Variants in MACROD1 observed in about 807,000 individuals in gnomAD.
MACROD1 encodes mono-ADP ribosylhydrolase 1, also known as ADP-ribose glycohydrolase MACROD1.
In MACROD1, 31 loss-of-function variants were observed where a neutral mutation model predicts 41.4. The observed-to-expected ratio is 0.75, with a 90% confidence interval of 0.56 to 1.01. The LOEUF (loss-of-function observed/expected upper bound fraction) is 1.01, where lower values mean the gene tolerates loss of function less well. Among genes scored for constraint, MACROD1 ranks in the 50% least tolerant of loss-of-function variants. MACROD1 has a pLI of 0.00. For missense variants in MACROD1, 473 were observed against 460.0 expected (o/e 1.03, Z -0.26); for synonymous variants, 252 against 203.4 (o/e 1.24, Z -2.03).
chr11:64,083,706 G>A (rs542784665), intron 3 of MACROD1, among the ~76,000 whole-genome samples: 25 of 152,352 alleles, frequency 1.6e-4, no homozygotes, highest in Non-Finnish European at 3.5e-4. Flanking sequence ...AATGGGACTC[G>A]CCAGACTGGC....
At position 64,152,329 on chromosome 11, in the gene MACROD1, C is replaced by T. The variant is rs374663092; in HGVS notation, c.363G>A (p.Arg121=). The T allele has an allele frequency of 2.0e-4, 320 of 1,614,260 alleles. No individual in the cohort carries two copies. Among genetic ancestry groups the T allele is most frequent in the Non-Finnish European group, 2.6e-4 (310 of 1,180,046 alleles). The part of the protein sequence containing the change: ...EEHYFCKDFV[R]LKKIPTWKEM... Reference sequence around the variant, plus strand: ...CCTTCCATGTCGGGATCTTCTTCAGCCTGACAAAGTCCTTGCAGAAGTAAT... The same window carrying T: ...CCTTCCATGTCGGGATCTTCTTCAGTCTGACAAAGTCCTTGCAGAAGTAAT... The change falls in exon 2 of 11, where the codon AGG becomes AGA. Residue 121 remains arginine, a synonymous_variant. Transcript: ENST00000255681.
intron 4 of MACROD1, chr11:64,001,633 A>G (rs1942827331): frequency 1.0e-5 from 7 of 701,018 alleles, no homozygotes; most frequent in South Asian, 8.9e-5. Flanking sequence ...AGAGCGTCCC[A>G]GGGATGGGTG....
chr11:64,130,725 G>A (rs1175023304), intron 3 of MACROD1, among the ~76,000 whole-genome samples: 2 of 151,982 alleles, frequency 1.3e-5, no homozygotes, highest in African/African-American at 4.8e-5. Context: ...CCGCACCCAC[G>A]TCACCTTCCA....
chr11:64,040,351 G>T (rs1271099451), intron 3 of MACROD1, among the ~76,000 whole-genome samples: 1 of 152,184 alleles, frequency 6.6e-6, no homozygotes, highest in Non-Finnish European at 1.5e-5. Flanking sequence ...AGAAACAAGG[G>T]CCTGGAGGAC....
intron 3 of MACROD1, chr11:64,116,274 G>A (rs1411464395): frequency 2.5e-6 from 4 of 1,596,426 alleles, no homozygotes; most frequent in Non-Finnish European, 3.4e-6. Flanking sequence ...CACCATGGTG[G>A]TGGCACACCC....
chr11:64,158,008 A>G (rs1590979946), intron 1 of MACROD1, among the ~76,000 whole-genome samples: 1 of 152,298 alleles, frequency 6.6e-6, no homozygotes, highest in Middle Eastern at 3.4e-3. Context: ...TGCCCACACC[A>G]GGGCATTGGC....
intron 3 of MACROD1, among the ~76,000 whole-genome samples, chr11:64,080,567 A>C (rs1184973283): frequency 6.6e-6 from 1 of 152,238 alleles, no homozygotes; most frequent in Non-Finnish European, 1.5e-5. Context: ...AGGGTTGAAC[A>C]CAAGACACCC....
At chr11:64,022,430 A>G (rs1943170130) in intron 3 of MACROD1, among the ~76,000 whole-genome samples, 1 of 152,222 alleles carries the variant, frequency 6.6e-6, no homozygotes, top group African/African-American at 2.4e-5. Flanking sequence ...ATGACTGCCA[A>G]CTGTCCCAGC....
At chr11:64,005,255 C>T (rs553078713) in intron 4 of MACROD1, among the ~76,000 whole-genome samples, 2 of 152,272 alleles carry the variant, frequency 1.3e-5, no homozygotes, top group South Asian at 4.1e-4. Context: ...GTCTTGAACT[C>T]CTGACCTTGT....
intron 3 of MACROD1, among the ~76,000 whole-genome samples, chr11:64,051,546 C>A (rs1943695561): frequency 6.6e-6 from 1 of 152,222 alleles, no homozygotes; most frequent in African/African-American, 2.4e-5. Context: ...GGCAGGCTAA[C>A]AGCTGTTTGT....
intron 3 of MACROD1, among the ~76,000 whole-genome samples, chr11:64,072,445 AC>A (rs1229083329): frequency 1.3e-5 from 2 of 152,118 alleles, no homozygotes; most frequent in African/African-American, 4.8e-5. Flanking sequence ...AATAATAATT[AC>A]ATAACATTGG....
chr11:64,015,225 C>A, intron 4 of MACROD1, 27 bp downstream of exon 4: 1 of 1,581,806 alleles, frequency 6.3e-7, no homozygotes, highest in Non-Finnish European at 8.6e-7. Context: ...CACACCCCAC[C>A]CCCACCAAGA....
intron 3 of MACROD1, among the ~76,000 whole-genome samples, chr11:64,046,426 G>A (rs769903753): frequency 6.6e-6 from 1 of 152,222 alleles, no homozygotes; most frequent in Non-Finnish European, 1.5e-5. Context: ...GTGCGAGGCT[G>A]CCCAAGGGGA....
At chr11:64,083,640 G>C (rs1944341230) in intron 3 of MACROD1, among the ~76,000 whole-genome samples, 1 of 152,220 alleles carries the variant, frequency 6.6e-6, no homozygotes, top group Non-Finnish European at 1.5e-5. Context: ...AGTAATGAGA[G>C]GCCGCAGTGA....
intron 3 of MACROD1, among the ~76,000 whole-genome samples, chr11:64,033,242 C>T (rs1380729321): frequency 6.6e-6 from 1 of 152,248 alleles, no homozygotes; most frequent in Non-Finnish European, 1.5e-5. Flanking sequence ...GCCCGATTCA[C>T]TTCTGGTCCC....
intron 4 of MACROD1, 100 bp downstream of exon 4, chr11:64,015,152 T>C: frequency 3.2e-6 from 4 of 1,254,560 alleles, no homozygotes; most frequent in Non-Finnish European, 4.3e-6. Flanking sequence ...GGAAGGTGGA[T>C]TGCAGTGAGA....
At chr11:64,003,631 A>G (rs1942862603) in intron 4 of MACROD1, among the ~76,000 whole-genome samples, 1 of 152,160 alleles carries the variant, frequency 6.6e-6, no homozygotes, top group African/African-American at 2.4e-5. Flanking sequence ...GGTGATTTAC[A>G]GCCGCTGTCT....
intron 3 of MACROD1, among the ~76,000 whole-genome samples, chr11:64,047,607 G>A (rs775788671): frequency 6.6e-6 from 1 of 152,018 alleles, no homozygotes; most frequent in Non-Finnish European, 1.5e-5. Flanking sequence ...GTTAATAGAG[G>A]GAAGGAAGGC....
At chr11:64,144,936 C>T (rs1027521598) in intron 3 of MACROD1, among the ~76,000 whole-genome samples, 6 of 152,368 alleles carry the variant, frequency 3.9e-5, no homozygotes, top group South Asian at 2.1e-4. Context: ...GTCTCTAAAT[C>T]ACTGACTCCA....
Sources: allele counts gnomAD v4.1 joint callset (sites outside exome capture counted in the v4.1 genomes callset), GRCh38; gene constraint gnomAD v4.1.1; transcripts MANE v1.5; gene names NCBI Gene and HGNC (gene_info 2026-07-23, HGNC 2026-07-21).